CAGE1: variants seen among roughly 807,000 people sequenced by gnomAD.
The protein encoded by CAGE1 is cancer-associated gene 1 protein.
A neutral mutation model predicts 94.9 loss-of-function variants in CAGE1; 66 were observed. The ratio of observed to expected loss-of-function variants is 0.70; its 90% CI spans 0.57 to 0.85. The LOEUF (loss-of-function observed/expected upper bound fraction) is 0.85, where lower values mean the gene tolerates loss of function less well. Among genes scored for constraint, CAGE1 ranks in the 40% least tolerant of loss-of-function variants. The pLI, the probability that CAGE1 is intolerant of heterozygous loss-of-function variation, is 0.00. For synonymous variants in CAGE1, 319 were observed against 321.0 expected, an observed-to-expected ratio of 0.99 and a Z score of 0.07; for missense variants, 865 against 950.4, an observed-to-expected ratio of 0.91 and a Z score of 1.18.
intron 7 of CAGE1, among the ~76,000 whole-genome samples, chr6:7,368,378 G>A (rs1760424307): frequency 6.6e-6 from 1 of 151,954 alleles, no homozygotes; most frequent in Non-Finnish European, 1.5e-5. Context: ...TCCAAAGGAT[G>A]AAGTTTGAAA....
intron 12 of CAGE1, among the ~76,000 whole-genome samples, chr6:7,332,950 T>TTTTTC (rs1389371322): frequency 6.6e-6 from 1 of 152,076 alleles, no homozygotes; most frequent in Non-Finnish European, 1.5e-5. Flanking sequence ...TGTTCTTTTT[T>TTTTTC]TTTTCTTTTC....
Position 7,339,051 on chromosome 6 carries a change from C to G in CAGE1, c.2370-4961G>C. ...CACACTCTGTCTGAGCAACACATGGCGCACAGCAGTGTCAACGTAGTAGTT... is the reference window on the plus strand; with the variant it reads ...CACACTCTGTCTGAGCAACACATGGGGCACAGCAGTGTCAACGTAGTAGTT... On this transcript the variant is annotated intron_variant, in intron 11 of 13. Coordinates refer to ENST00000502583, the MANE Select transcript of CAGE1 (RefSeq NM_001170692.2). The surrounding 1 kb of genome is among the most constrained non-coding windows in gnomAD (Gnocchi z 4.7). 3.1e-6 allele frequency: 5 copies of G among 1,604,942 alleles called. No individual in the cohort carries two copies. Among genetic ancestry groups the G allele is most frequent in the Non-Finnish European group, 4.3e-6 (5 of 1,173,232 alleles).
intron 3 of CAGE1, among the ~76,000 whole-genome samples, chr6:7,383,519 T>G (rs924702133): frequency 2.6e-5 from 4 of 152,194 alleles, no homozygotes; most frequent in African/African-American, 9.6e-5. Context: ...TATAAATGGG[T>G]CTACTTTTGG....
chr6:7,366,304 A>T (rs1038865572), intron 7 of CAGE1, among the ~76,000 whole-genome samples: 3 of 152,140 alleles, frequency 2.0e-5, no homozygotes, highest in Non-Finnish European at 4.4e-5. Flanking sequence ...AAACATACAA[A>T]AAATATGTTT....
At chr6:7,345,129 A>T (rs2477476) in intron 11 of CAGE1, among the ~76,000 whole-genome samples, 1 of 44,708 alleles carries the variant, frequency 2.2e-5, no homozygotes, top group Non-Finnish European at 4.4e-5. Context: ...CTTTAGATCC[A>T]TATTGCTTTT....
chr6:7,373,541 A>G lies in CAGE1; in HGVS notation c.1278T>C (p.Thr426=), dbSNP rs1411690621. 4 of 1,613,204 alleles carry G rather than the reference A, an allele frequency of 2.5e-6. No individual in the cohort carries two copies. The highest frequency in any genetic ancestry group is 1.3e-5 in the African/African-American group (1 of 74,826). ...NYVCLQERYM[T]EMQQKNKSVS... Reference sequence around the variant, plus strand: ...CAGATTTATTTTTTTGTTGCATTTCAGTCATGTACCTTTCCTGTAAACACA... The same window carrying G: ...CAGATTTATTTTTTTGTTGCATTTCGGTCATGTACCTTTCCTGTAAACACA... The change falls in exon 5 of 14, where the codon ACT becomes ACC. Residue 426 remains threonine, a synonymous_variant. Transcript: ENST00000502583.
intron 11 of CAGE1, among the ~76,000 whole-genome samples, chr6:7,335,589 T>A (rs572067783): frequency 6.6e-6 from 1 of 152,272 alleles, no homozygotes; most frequent in Non-Finnish European, 1.5e-5. Flanking sequence ...TTTAAAGTTT[T>A]ACTATTCAGA....
In CAGE1 at chr6:7,330,157, G is replaced by A. The variant is rs368889905; in HGVS notation, c.2439-269C>T. ...AATCCCAGCACTTTGGGAGGCCCAGGTGGGTGGATCACTTGAGGTCAGGAG... is the reference window on the plus strand; with the variant it reads ...AATCCCAGCACTTTGGGAGGCCCAGATGGGTGGATCACTTGAGGTCAGGAG... On this transcript the variant is annotated intron_variant, in intron 12 of 13. Transcript: ENST00000502583. Among the ~76,000 whole-genome samples the A allele has an allele frequency of 2.8e-4, 42 of 152,306 alleles. No individual in the cohort carries two copies. In the South Asian group the frequency reaches 8.7e-3, roughly 32 times the overall value.
intron 1 of CAGE1, among the ~76,000 whole-genome samples, chr6:7,387,695 G>A (rs1341791247): frequency 6.6e-6 from 1 of 151,922 alleles, no homozygotes; most frequent in Non-Finnish European, 1.5e-5. Context: ...TGGCTATTCA[G>A]ATACCAAGTC....
chr6:7,354,265 T>C (rs150208055), intron 11 of CAGE1, among the ~76,000 whole-genome samples: 2 of 152,266 alleles, frequency 1.3e-5, no homozygotes, highest in East Asian at 3.9e-4. Flanking sequence ...AGGAATCAAA[T>C]TTTACATTTC....
Position 7,334,048 on chromosome 6 carries a change from C to A in CAGE1, c.2412G>T (p.Lys804Asn). ...RNKHLEDLIR[K>N]PREKARKPRS... is the part of the protein sequence containing the mutation. The stretch of plus-strand genomic sequence containing the variant: ...TTGGTTTTCTGGCTTTTTCTCTGGG[C>A]TTTCTAATTAAATCCTCTAAATGTT... The change falls in exon 12 of 14, where the codon AAG becomes AAT. Residue 804 changes from lysine to asparagine, a missense_variant. Coordinates refer to ENST00000502583, the MANE Select transcript of CAGE1 (RefSeq NM_001170692.2). 1 of 1,535,682 alleles carries A rather than the reference C, an allele frequency of 6.5e-7. No individual in the cohort carries two copies. Among genetic ancestry groups the A allele is most frequent in the Non-Finnish European group, 8.8e-7 (1 of 1,134,104 alleles).
intron 11 of CAGE1, among the ~76,000 whole-genome samples, chr6:7,335,322 C>CT (rs1758917070): frequency 6.6e-6 from 1 of 152,170 alleles, no homozygotes; most frequent in South Asian, 2.1e-4. Flanking sequence ...ATCTTTGGGC[C>CT]ATTCCTCGGC....
chr6:7,361,371 G>A (rs760670196), intron 9 of CAGE1, among the ~76,000 whole-genome samples: 1 of 152,154 alleles, frequency 6.6e-6, no homozygotes, highest in African/African-American at 2.4e-5. Flanking sequence ...TTCACATCAT[G>A]AACATGATTC....
Position 7,339,179 on chromosome 6 carries a change from C to A in CAGE1, c.2370-5089G>T, listed in dbSNP as rs1433293121. 3 of 1,517,648 alleles carry A rather than the reference C, an allele frequency of 2.0e-6. No individual in the cohort carries two copies. The African/African-American group carries it at 4.1e-5, about 21-fold the overall frequency. The allele number at this position is 1,517,648 out of a possible 1,614,324, so 94.0% of individuals were successfully genotyped here. ...ACACCACGACCTCACAGCCTTTGGC[C>A]CCAGTTTCCATGATGAACCGCGACA... On this transcript the variant is annotated intron_variant, in intron 11 of 13. Coordinates refer to ENST00000502583, the MANE Select transcript of CAGE1 (RefSeq NM_001170692.2). This position sits in a 1 kb window ranked among gnomAD's most constrained non-coding sequence, Gnocchi z 4.7.
rs769560770 is a variant in CAGE1 at position 7,368,763 on chromosome 6, C to G, written c.1929G>C (p.Glu643Asp). ...GCATTATATCACTAACCTTCTCACT[C>G]TCTTTGAAATGTTCAGCATCAGAAT... ...IINSDAEHFK[E>D]SEKVSDIMLQ... is the part of the protein sequence containing the mutation. Residue 643 changes from glutamate (E) to aspartate (D), a missense_variant, in exon 7 of 14, where the codon GAG becomes GAC. Coordinates refer to ENST00000502583, the MANE Select transcript of CAGE1 (RefSeq NM_001170692.2). 1.3e-6 allele frequency: 2 copies of G among 1,558,244 alleles called. No homozygotes were observed. Among genetic ancestry groups the G allele is most frequent in the South Asian group, 1.2e-5 (1 of 82,256 alleles).
intron 13 of CAGE1, among the ~76,000 whole-genome samples, chr6:7,328,730 T>C (rs1758616500): frequency 6.6e-6 from 1 of 151,942 alleles, no homozygotes; most frequent in South Asian, 2.1e-4. Context: ...TTATTGGATA[T>C]TTTCAAATAG....
chr6:7,375,906 G>T (rs534714857), intron 4 of CAGE1, among the ~76,000 whole-genome samples: 2 of 152,264 alleles, frequency 1.3e-5, no homozygotes, highest in South Asian at 4.1e-4. Context: ...GACCTACAAG[G>T]CCCTAATATC....
At chr6:7,359,071 A>G (rs1581681679) in intron 9 of CAGE1, among the ~76,000 whole-genome samples, 1 of 149,354 alleles carries the variant, frequency 6.7e-6, no homozygotes, top group Admixed American at 6.7e-5. Flanking sequence ...TTTGAAACGG[A>G]GTTTCGCTCT....
intron 11 of CAGE1, among the ~76,000 whole-genome samples, chr6:7,350,629 A>G (rs901726947): frequency 6.6e-6 from 1 of 152,214 alleles, no homozygotes; most frequent in Non-Finnish European, 1.5e-5. Context: ...ATGCAAATAC[A>G]TGGAAATTAA....
Sources: gnomAD v4.1 joint callset for allele counts (sites outside exome capture counted in the v4.1 genomes callset) on GRCh38, gnomAD v4.1.1 for gene constraint, Gnocchi (gnomAD v3.1) non-coding constraint, MANE v1.5 for transcripts, NCBI Gene and HGNC (gene_info 2026-07-23, HGNC 2026-07-21) for gene names.